The following CEP350 variants were observed in gnomAD, a reference collection of about 807,000 sequenced individuals.
CEP350 encodes centrosomal protein 350.
CEP350 carries 126 observed loss-of-function variants against 331.8 expected under a neutral mutation model. That is an observed-to-expected ratio of 0.38 (90% CI 0.33 to 0.44). The LOEUF is 0.44. Ranked by LOEUF, CEP350 falls within the 20% of genes least tolerant of loss-of-function variation. The pLI is 1.00. For missense variants in CEP350, 3,406 were observed against 3,634.6 expected, an observed-to-expected ratio of 0.94 and a Z score of 1.62; for synonymous variants, 1,200 against 1,259.5, an observed-to-expected ratio of 0.95 and a Z score of 1.00.
At chr1:180,071,871 T>G (rs1445002977) in intron 27 of CEP350, among the ~76,000 whole-genome samples, 3 of 152,204 alleles carry the variant, frequency 2.0e-5, no homozygotes, top group Admixed American at 6.5e-5. Flanking sequence ...CTAAATCTGT[T>G]GTATATCTTA....
At chr1:180,107,302 A>T (rs1661197727) in intron 37 of CEP350, among the ~76,000 whole-genome samples, 1 of 152,202 alleles carries the variant, frequency 6.6e-6, no homozygotes, top group Non-Finnish European at 1.5e-5. Flanking sequence ...AGAAGATAGA[A>T]TGGGAGCACA....
Position 180,087,719 on chromosome 1 carries a change from T to C in CEP350, c.6425+2T>C. On this transcript the variant is annotated splice_donor_variant, in intron 32 of 37. Transcript: ENST00000367607. LOFTEE classifies it high-confidence loss of function. Reference sequence around the variant, plus strand: ...CAAACCCCTCACACCACTACACAGGTAGAAATTTTTGATAACTTGTCTGTA... The same window carrying C: ...CAAACCCCTCACACCACTACACAGGCAGAAATTTTTGATAACTTGTCTGTA... 2.7e-6 allele frequency: 4 copies of C among 1,501,776 alleles called. No individual in the cohort carries two copies. The highest frequency in any genetic ancestry group is 3.6e-6 in the Non-Finnish European group (4 of 1,125,396). The allele number at this position is 1,501,776 out of a possible 1,614,324, so 93.0% of individuals were successfully genotyped here.
At chr1:179,959,544 T>G (rs531251969) in intron 1 of CEP350, among the ~76,000 whole-genome samples, 98 of 151,384 alleles carry the variant, frequency 6.5e-4, no homozygotes, top group Non-Finnish European at 7.2e-4. Flanking sequence ...CACCTGAGAT[T>G]AGGAGCTTCA....
intron 8 of CEP350, among the ~76,000 whole-genome samples, chr1:180,010,404 C>CTTTTTT (rs60408983): frequency 1.7e-5 from 2 of 119,808 alleles, no homozygotes; most frequent in Non-Finnish European, 3.5e-5. Flanking sequence ...CCCATGTTTG[C>CTTTTTT]TTTTTTTTTT....
At chr1:180,074,501 C>T (rs796715513) in intron 27 of CEP350, among the ~76,000 whole-genome samples, 11 of 152,146 alleles carry the variant, frequency 7.2e-5, no homozygotes, top group African/African-American at 2.7e-4. Context: ...ACTCATTAGA[C>T]CTGAAACAAA....
intron 32 of CEP350, 87 bp from the exon 33 acceptor site, chr1:180,090,627 A>C (rs1660140022): frequency 8.9e-7 from 1 of 1,120,706 alleles, no homozygotes; most frequent in African/African-American, 1.6e-5. Context: ...AGAAGAGGAA[A>C]GAAGCAGTTG....
chr1:179,996,799 G>T lies in CEP350; in HGVS notation c.642G>T (p.Arg214Ser), dbSNP rs765946380. 3 of 1,613,708 alleles carry T rather than the reference G, an allele frequency of 1.9e-6. No homozygotes were observed. Among genetic ancestry groups the T allele is most frequent in the Non-Finnish European group, 2.5e-6 (3 of 1,179,728 alleles). Residue 214 changes from arginine to serine, a missense_variant, in exon 6 of 38, where the codon AGG becomes AGT. By Grantham distance (110) the Arg-to-Ser change is moderately radical. This residue lies in a region of CEP350 where 1,857 missense variants were observed against 1,909.2 expected (regional missense o/e 0.97). Coordinates refer to ENST00000367607, the MANE Select transcript of CEP350 (RefSeq NM_014810.5). ...DALQNSECLI[R>S]MGASMRTEEE... ...TGCAAAATTCTGAATGTTTGATTAG[G>T]ATGGGAGCTTCTATGAGAACTGAGG... is the stretch of plus-strand genomic sequence containing the variant.
At position 180,114,142 on chromosome 1, in the gene CEP350, T is replaced by A. The variant is rs1438754435; in HGVS notation, c.*2981T>A. On this transcript the variant is annotated 3_prime_UTR_variant, in exon 38 of 38. Transcript: ENST00000367607. ...CTTTCAAAAGAGATTTCATTGCTCA[T>A]AAGAGTGTTGTGGCCTATTGATAAA... 1.3e-5 allele frequency: 2 copies of A among 152,612 alleles called. No homozygotes were observed. The highest frequency in any genetic ancestry group is 6.6e-5 in the Admixed American group (1 of 15,266). The allele number at this position is 152,612 out of a possible 1,614,324, so 9.5% of individuals were successfully genotyped here.
At position 180,094,223 on chromosome 1, in the gene CEP350, C is replaced by G. The variant is rs1367905300; in HGVS notation, c.8118C>G (p.Asn2706Lys). ...KQQQFTEEED[N>K]LYAEASEKLC... ...AGCAGTTTACAGAAGAGGAAGACAA[C>G]CTATATGCTGAAGCTTCAGAAAAGC... is the stretch of plus-strand genomic sequence containing the variant. The change falls in exon 34 of 38, where the codon AAC (asparagine) becomes AAG (lysine). Residue 2706 changes from asparagine (N) to lysine (K), a missense_variant. Asn to Lys is a moderately conservative substitution (Grantham distance 94). Coordinates refer to ENST00000367607, the MANE Select transcript of CEP350 (RefSeq NM_014810.5). The G allele has an allele frequency of 6.2e-7, 1 of 1,613,112 alleles. No homozygotes were observed. The highest frequency in any genetic ancestry group is 1.7e-5 in the Admixed American group (1 of 59,832).
chr1:179,969,061 T>G (rs1651236921), intron 1 of CEP350: 1 of 718,560 alleles, frequency 1.4e-6, no homozygotes, highest in African/African-American at 1.7e-5. Flanking sequence ...TTAACCTACC[T>G]ACCATTGCTC....
chr1:180,012,428 A>T (rs1465944935), intron 9 of CEP350, among the ~76,000 whole-genome samples: 1 of 152,210 alleles, frequency 6.6e-6, no homozygotes, highest in Non-Finnish European at 1.5e-5. Context: ...ACAAACATTC[A>T]CAAGGTTGGA....
At chr1:180,016,877 G>C (rs1410253942) in intron 11 of CEP350, among the ~76,000 whole-genome samples, 2 of 151,750 alleles carry the variant, frequency 1.3e-5, no homozygotes, top group African/African-American at 4.8e-5. Context: ...TGGCCAGGCA[G>C]GTCTTAAACT....
intron 7 of CEP350, among the ~76,000 whole-genome samples, chr1:180,004,954 T>TC (rs1181178126): frequency 1.2e-5 from 1 of 80,702 alleles, no homozygotes. Flanking sequence ...TTTCTTTCTT[T>TC]CCCCTCTCTC....
At chr1:179,959,174 G>T (rs1423988596) in intron 1 of CEP350, among the ~76,000 whole-genome samples, 1 of 152,184 alleles carries the variant, frequency 6.6e-6, no homozygotes, top group Non-Finnish European at 1.5e-5. Context: ...TTGATGGAAG[G>T]GCTGGGACTT....
intron 30 of CEP350, among the ~76,000 whole-genome samples, chr1:180,081,416 C>G (rs7555647): frequency 0.021 from 3,228 of 152,144 alleles, 86 homozygotes; most frequent in African/African-American, 0.072. Context: ...TAACTGTTTC[C>G]CTAGTGATGG....
chr1:180,004,480 A>C (rs1188929026), intron 7 of CEP350, among the ~76,000 whole-genome samples: 1 of 152,206 alleles, frequency 6.6e-6, no homozygotes, highest in African/African-American at 2.4e-5. Context: ...TATATCAGTC[A>C]TTGTAAAAGA....
intron 8 of CEP350, among the ~76,000 whole-genome samples, chr1:180,010,200 C>T (rs1410830423): frequency 6.6e-6 from 1 of 152,012 alleles, no homozygotes; most frequent in Non-Finnish European, 1.5e-5. Flanking sequence ...GTAATGGCCA[C>T]ACAATATTCT....
At chr1:180,036,722 G>T (rs1466812370) in intron 16 of CEP350, among the ~76,000 whole-genome samples, 1 of 152,134 alleles carries the variant, frequency 6.6e-6, no homozygotes, top group African/African-American at 2.4e-5. Context: ...CAAAAAATTT[G>T]TGTGACTTGC....
chr1:180,042,660 G>A (rs1558122345), intron 19 of CEP350, among the ~76,000 whole-genome samples: 1 of 152,186 alleles, frequency 6.6e-6, no homozygotes, highest in East Asian at 1.9e-4. Flanking sequence ...GGTACATGCA[G>A]CACTTGCAGT....
Sources: allele counts gnomAD v4.1 joint callset (sites outside exome capture counted in the v4.1 genomes callset), GRCh38; gene constraint gnomAD v4.1.1; regional missense constraint gnomAD v4.1.1; transcripts MANE v1.5; gene names NCBI Gene and HGNC (gene_info 2026-07-23, HGNC 2026-07-21).